Variants in TM2D1 observed in about 807,000 individuals in gnomAD.
TM2D1 encodes the protein TM2 domain containing 1, also known as TM2 domain-containing protein 1.
TM2D1 carries 15 observed loss-of-function variants against 28.4 expected under a neutral mutation model. That is an observed-to-expected ratio of 0.53 (90% CI 0.35 to 0.81). The LOEUF is 0.81. Ranked by LOEUF, TM2D1 falls within the 40% of genes least tolerant of loss-of-function variation. The pLI, the probability that TM2D1 is intolerant of heterozygous loss-of-function variation, is 0.01. For synonymous variants in TM2D1, 93 were observed against 96.2 expected (o/e 0.97, Z 0.20); for missense variants, 236 against 254.9 (o/e 0.93, Z 0.50).
chr1:61,723,843 C>T, intron 1 of TM2D1, 57 bp from the exon 2 acceptor site: 2 of 811,866 alleles, frequency 2.5e-6, no homozygotes, highest in South Asian at 1.7e-5. Flanking sequence ...CATTATCATG[C>T]CTTTACTATT....
At chr1:61,708,857 TAA>T (rs200516516) in intron 3 of TM2D1, among the ~76,000 whole-genome samples, 3 of 135,322 alleles carry the variant, frequency 2.2e-5, no homozygotes, top group Admixed American at 7.5e-5. Flanking sequence ...ATTGCATTTA[TAA>T]AAAAAAAAAA....
chr1:61,711,426 G>A (rs1210361361), intron 2 of TM2D1, among the ~76,000 whole-genome samples: 3 of 151,956 alleles, frequency 2.0e-5, no homozygotes, highest in Non-Finnish European at 4.4e-5. Context: ...GAGGAGGGAG[G>A]ACTGCTTGAG....
chr1:61,719,126 C>T (rs984114986), intron 2 of TM2D1, among the ~76,000 whole-genome samples: 2 of 151,618 alleles, frequency 1.3e-5, no homozygotes, highest in African/African-American at 4.8e-5. Flanking sequence ...CTAGAGTGCA[C>T]TGACACAATC....
chr1:61,704,812 C>T (rs1263344971), intron 3 of TM2D1, among the ~76,000 whole-genome samples: 1 of 152,024 alleles, frequency 6.6e-6, no homozygotes, highest in African/African-American at 2.4e-5. Context: ...CACCTGTAAT[C>T]CCAGCACTTT....
chr1:61,708,630 AAT>A, intron 3 of TM2D1, among the ~76,000 whole-genome samples: 1 of 152,308 alleles, frequency 6.6e-6, no homozygotes, highest in South Asian at 2.1e-4. Flanking sequence ...CCAAGTTTAA[AAT>A]GCCCTTTATG....
intron 3 of TM2D1, among the ~76,000 whole-genome samples, chr1:61,705,348 G>A (rs1462595683): frequency 6.6e-6 from 1 of 151,990 alleles, no homozygotes; most frequent in Non-Finnish European, 1.5e-5. Context: ...ACCATGCCCA[G>A]CTAATTTTTA....
At chr1:61,691,938 T>TATATATAC (rs1644330235) in intron 5 of TM2D1, among the ~76,000 whole-genome samples, 2 of 86,604 alleles carry the variant, frequency 2.3e-5, no homozygotes, top group South Asian at 3.4e-4. Context: ...AAAAAATATA[T>TATATATAC]ATATATATAT....
chr1:61,721,916 G>A (rs1353721276), intron 2 of TM2D1, among the ~76,000 whole-genome samples: 1 of 143,044 alleles, frequency 7.0e-6, no homozygotes, highest in Non-Finnish European at 1.5e-5. Flanking sequence ...TCAAGACGAG[G>A]CTGGACAATA....
intron 3 of TM2D1, among the ~76,000 whole-genome samples, chr1:61,705,268 C>T (rs1644432408): frequency 6.6e-6 from 1 of 152,138 alleles, no homozygotes; most frequent in South Asian, 2.1e-4. Context: ...CTCACTGAAA[C>T]CTCCACCTTC....
chr1:61,709,561 T>C lies in TM2D1; in HGVS notation c.239-124A>G, dbSNP rs1361244511. ...CCCAATATAACATGACACAAGCCTTTAATTTTAGGTGGGAAAAGTGACACT... is the reference window on the plus strand; with the variant it reads ...CCCAATATAACATGACACAAGCCTTCAATTTTAGGTGGGAAAAGTGACACT... On this transcript the variant is annotated intron_variant, in intron 2 of 6. Coordinates refer to ENST00000606498, the MANE Select transcript of TM2D1 (RefSeq NM_032027.3). 37 of 659,772 alleles carry C rather than the reference T, an allele frequency of 5.6e-5. No individual in the cohort carries two copies. The East Asian group carries it at 1.1e-3, about 20-fold the overall frequency. 40.9% of individuals were successfully genotyped at this position (659,772 alleles called of 1,614,324 possible). A position where few individuals can be genotyped will look rare whatever the true frequency, so the allele number is the denominator to read the frequency against.
At chr1:61,686,296 G>A (rs1644285155) in intron 5 of TM2D1, among the ~76,000 whole-genome samples, 1 of 61,862 alleles carries the variant, frequency 1.6e-5, no homozygotes, top group Non-Finnish European at 3.0e-5. Context: ...AGAAGAAACT[G>A]TTTTATTTAC....
chr1:61,699,522 T>A (rs1004832365), intron 4 of TM2D1: 14 of 152,276 alleles, frequency 9.2e-5, no homozygotes, highest in African/African-American at 3.4e-4. Flanking sequence ...TCCTACACGA[T>A]CAGCTAAATT....
rs961561896 is a variant in TM2D1, at chr1:61,700,385, GT to G, written c.439+548del. On this transcript the variant is annotated intron_variant, in intron 4 of 6. Coordinates refer to ENST00000606498, the MANE Select transcript of TM2D1 (RefSeq NM_032027.3). ...CAAAAGCTATCATAAAATGTAAATAGTTTTCATAAGCATTAGTAACTATAGT... is the reference window on the plus strand; with the variant it reads ...CAAAAGCTATCATAAAATGTAAATAGTTTCATAAGCATTAGTAACTATAGT... The G allele has an allele frequency of 7.2e-6, 9 of 1,251,786 alleles. No individual in the cohort carries two copies. The Admixed American group carries it at 1.2e-4, about 17-fold the overall frequency. The allele number at this position is 1,251,786 out of a possible 1,614,324, so 77.5% of individuals were successfully genotyped here. A position where few individuals can be genotyped will look rare whatever the true frequency, so the allele number is the denominator to read the frequency against.
chr1:61,683,283 G>C, intron 6 of TM2D1, 134 bp downstream of exon 6: 1 of 346,082 alleles, frequency 2.9e-6, no homozygotes, highest in Non-Finnish European at 5.2e-6. Context: ...CAAAGGATTG[G>C]AGATGTTTCA....
intron 2 of TM2D1, 109 bp from the exon 3 acceptor site, chr1:61,709,546 C>T (rs1644463109): frequency 6.9e-6 from 5 of 728,648 alleles, no homozygotes; most frequent in African/African-American, 1.8e-5. Flanking sequence ...CCCAATATAA[C>T]ATGACACAAG....
intron 4 of TM2D1, among the ~76,000 whole-genome samples, chr1:61,696,393 T>A (rs1283905663): frequency 1.3e-5 from 2 of 151,836 alleles, no homozygotes; most frequent in Non-Finnish European, 2.9e-5. Flanking sequence ...ACAAAAATTA[T>A]CCAGGCATGG....
intron 2 of TM2D1, among the ~76,000 whole-genome samples, chr1:61,711,625 C>CAAAAA (rs963521750): frequency 8.4e-6 from 1 of 118,358 alleles, no homozygotes; most frequent in Non-Finnish European, 1.9e-5. Context: ...GAGACCGTCT[C>CAAAAA]AAAAAAAAAA....
chr1:61,718,461 G>A (rs537484054), intron 2 of TM2D1, among the ~76,000 whole-genome samples: 11 of 152,312 alleles, frequency 7.2e-5, no homozygotes, highest in African/African-American at 2.4e-4. Flanking sequence ...TATGGAATGA[G>A]GTGTTGACCA....
intron 5 of TM2D1, among the ~76,000 whole-genome samples, chr1:61,688,263 C>T (rs1644297517): frequency 6.6e-6 from 1 of 152,164 alleles, no homozygotes; most frequent in Non-Finnish European, 1.5e-5. Context: ...AAAAAATCTA[C>T]CCACAGGGTA....
Sources: allele counts gnomAD v4.1 joint callset (sites outside exome capture counted in the v4.1 genomes callset), GRCh38; gene constraint gnomAD v4.1.1; transcripts MANE v1.5; gene names NCBI Gene and HGNC (gene_info 2026-07-23, HGNC 2026-07-21).